The following CRACDL variants were observed in gnomAD, a reference collection of about 807,000 sequenced individuals.
The protein encoded by CRACDL is CRACD-like protein.
In CRACDL, 26 loss-of-function variants were observed where a neutral mutation model predicts 70.6. That is an observed-to-expected ratio of 0.37 (90% confidence interval 0.27 to 0.51). CRACDL has a LOEUF of 0.51. Among genes scored for constraint, CRACDL ranks in the 20% least tolerant of loss-of-function variants. The pLI is 0.94. For missense variants in CRACDL, 1,283 were observed against 1,376.9 expected (o/e 0.93, Z 1.08); for synonymous variants, 618 against 615.2 (o/e 1.00, Z -0.07).
Position 98,821,893 on chromosome 2 carries a change from TG to T in CRACDL, c.2379del (p.Arg794GlyfsTer60). ...CGCAGCGGCCTTTTCTCCGCCGTCC[TG>T]GGCTCCTTCCTGGGTTCCCGCTCTC... is the stretch of plus-strand genomic sequence containing the variant. Reference protein sequence around the residue: ...GPGEREPRKEPRTAEKRPLRR... With the variant: ...GPGEREPRKEXRTAEKRPLRR... On this transcript the variant is annotated frameshift_variant, in exon 7 of 10. Coordinates refer to ENST00000397899, the MANE Select transcript of CRACDL (RefSeq NM_207362.3). LOFTEE classifies it high-confidence loss of function. 1 of 1,605,130 alleles carries T rather than the reference TG, an allele frequency of 6.2e-7. No individual in the cohort carries two copies. The highest frequency in any genetic ancestry group is 1.7e-5 in the Admixed American group (1 of 57,932).
chr2:98,883,319 T>G (rs908058009), intron 1 of CRACDL, among the ~76,000 whole-genome samples: 1 of 152,166 alleles, frequency 6.6e-6, no homozygotes, highest in Non-Finnish European at 1.5e-5. Context: ...GGAGGTCTTG[T>G]TGGCATGGAG....
At chr2:98,804,784 T>G (rs2104417459) in intron 7 of CRACDL, among the ~76,000 whole-genome samples, 1 of 152,366 alleles carries the variant, frequency 6.6e-6, no homozygotes. Flanking sequence ...AAAGCATCTT[T>G]AAACAGAATT....
At chr2:98,831,863 G>A (rs1705556926) in intron 5 of CRACDL, among the ~76,000 whole-genome samples, 1 of 152,066 alleles carries the variant, frequency 6.6e-6, no homozygotes, top group South Asian at 2.1e-4. Flanking sequence ...CTGCTGCCCT[G>A]TTTGCCAGCA....
intron 7 of CRACDL, among the ~76,000 whole-genome samples, chr2:98,802,208 GC>G (rs1181887442): frequency 6.6e-6 from 1 of 152,272 alleles, no homozygotes; most frequent in Non-Finnish European, 1.5e-5. Context: ...GATCGGGGCT[GC>G]CCTGCTGGCG....
At chr2:98,904,824 TG>T (rs1362392808) in intron 1 of CRACDL, among the ~76,000 whole-genome samples, 1 of 152,192 alleles carries the variant, frequency 6.6e-6, no homozygotes, top group Non-Finnish European at 1.5e-5. Context: ...CCCAATCTCA[TG>T]TTGAAATGCG....
chr2:98,856,852 C>G (rs140881188), intron 1 of CRACDL, among the ~76,000 whole-genome samples: 1,934 of 152,266 alleles, frequency 0.013, 20 homozygotes, highest in Middle Eastern at 0.048. Context: ...CTTCTTGTCC[C>G]CTGACTATGA....
chr2:98,884,838 T>G (rs910571920), intron 1 of CRACDL, among the ~76,000 whole-genome samples: 1 of 152,220 alleles, frequency 6.6e-6, no homozygotes, highest in Non-Finnish European at 1.5e-5. Flanking sequence ...AGAAAGGCAC[T>G]GCTGTTGTTT....
chr2:98,872,724 G>A (rs1378464494), intron 1 of CRACDL, among the ~76,000 whole-genome samples: 1 of 152,234 alleles, frequency 6.6e-6, no homozygotes, highest in African/African-American at 2.4e-5. Flanking sequence ...AAGCTCCCAG[G>A]TGATGCTGAC....
At chr2:98,926,216 C>T (rs1708905224) in intron 1 of CRACDL, among the ~76,000 whole-genome samples, 1 of 152,116 alleles carries the variant, frequency 6.6e-6, no homozygotes, top group Non-Finnish European at 1.5e-5. Flanking sequence ...TAAGGTGACT[C>T]ATTTGGTACA....
chr2:98,893,736 C>T (rs571004147), intron 1 of CRACDL, among the ~76,000 whole-genome samples: 6 of 152,264 alleles, frequency 3.9e-5, no homozygotes, highest in South Asian at 2.1e-4. Context: ...TGTAATTAAG[C>T]GATAGTTAAA....
intron 7 of CRACDL, among the ~76,000 whole-genome samples, chr2:98,819,225 T>A (rs1489831196): frequency 2.6e-5 from 4 of 152,242 alleles, no homozygotes; most frequent in Non-Finnish European, 2.9e-5. Context: ...AACTTACATA[T>A]AAATAATGGG....
chr2:98,822,295 C>T lies in CRACDL; in HGVS notation c.1978G>A (p.Ala660Thr), dbSNP rs756392778. The T allele has an allele frequency of 3.2e-5, 49 of 1,531,680 alleles. No individual in the cohort carries two copies. The highest frequency in any genetic ancestry group is 1.0e-4 in the Admixed American group (5 of 49,702). The allele number at this position is 1,531,680 out of a possible 1,614,324, so 94.9% of individuals were successfully genotyped here. Residue 660 changes from alanine (A) to threonine (T), a missense_variant, in exon 7 of 10, where the codon GCG becomes ACG. Around this residue, in one of 2 missense-constraint regions of CRACDL, gnomAD observed 921 missense variants for 881.9 expected, o/e 1.04. Transcript: ENST00000397899. This position sits in a 1 kb window ranked among gnomAD's most constrained non-coding sequence, Gnocchi z 4.9. Reference sequence around the variant, plus strand: ...GGGCAGGGCTCTCTCGTGCCGGGCGCGGCGGCCGCCTCCTGAGGGCTCTTG... The same window carrying T: ...GGGCAGGGCTCTCTCGTGCCGGGCGTGGCGGCCGCCTCCTGAGGGCTCTTG... ...PRKSPQEAAA[A>T]PGTREPCPAA... is the part of the protein sequence containing the mutation.
Position 98,822,934 on chromosome 2 carries a change from G to A in CRACDL, c.1339C>T (p.Pro447Ser), listed in dbSNP as rs1371229205. 1.4e-6 allele frequency: 2 copies of A among 1,463,802 alleles called. No individual in the cohort carries two copies. The highest frequency in any genetic ancestry group is 5.2e-5 in the Admixed American group (2 of 38,582). 90.7% of individuals were successfully genotyped at this position (1,463,802 alleles called of 1,614,324 possible). Residue 447 changes from proline to serine, a missense_variant, in exon 7 of 10, where the codon CCG (proline) becomes TCG (serine). Transcript: ENST00000397899. This position sits in a 1 kb window ranked among gnomAD's most constrained non-coding sequence, Gnocchi z 4.9. ...KEAEPTPPVLPDEEKGPPGPA... is the reference protein window; with the variant it reads ...KEAEPTPPVLSDEEKGPPGPA... ...CCTGGGGGCCCCTTCTCCTCATCCG[G>A]GAGCACGGGCGGCGTCGGCTCCGCT...
In CRACDL at chr2:98,822,495, C is replaced by G; in HGVS notation, c.1778G>C (p.Arg593Pro). ...PRPGVSRPLE[R>P]ASGRLPLARS... ...CGCGAGGGGCAGGCGGCCGCTGGCC[C>G]GTTCCAGCGGGCGGGAGACGCCCGG... Residue 593 changes from arginine (R) to proline (P), a missense_variant, in exon 7 of 10, where the codon CGG (arginine) becomes CCG (proline). Coordinates refer to ENST00000397899, the MANE Select transcript of CRACDL (RefSeq NM_207362.3). This position sits in a 1 kb window ranked among gnomAD's most constrained non-coding sequence, Gnocchi z 4.9. 1 of 1,460,660 alleles carries G rather than the reference C, an allele frequency of 6.8e-7. No individual in the cohort carries two copies. Among genetic ancestry groups the G allele is most frequent in the Non-Finnish European group, 9.0e-7 (1 of 1,115,462 alleles). 90.5% of individuals were successfully genotyped at this position (1,460,660 alleles called of 1,614,324 possible). A position where few individuals can be genotyped will look rare whatever the true frequency, so the allele number is the denominator to read the frequency against.
chr2:98,868,064 T>C (rs1163242758), intron 1 of CRACDL, among the ~76,000 whole-genome samples: 1 of 152,216 alleles, frequency 6.6e-6, no homozygotes, highest in Non-Finnish European at 1.5e-5. Flanking sequence ...AATCAGGCAC[T>C]GAGGTTTCAT....
chr2:98,844,348 A>G (rs1043546517), intron 2 of CRACDL, among the ~76,000 whole-genome samples: 2 of 152,112 alleles, frequency 1.3e-5, no homozygotes, highest in African/African-American at 4.8e-5. Context: ...CAAACATAGT[A>G]TGCATAGTTG....
At chr2:98,818,832 G>A (rs1225098538) in intron 7 of CRACDL, among the ~76,000 whole-genome samples, 1 of 152,168 alleles carries the variant, frequency 6.6e-6, no homozygotes, top group East Asian at 1.9e-4. Flanking sequence ...GCCCCTCAAG[G>A]TCCAGGTAGG....
intron 1 of CRACDL, among the ~76,000 whole-genome samples, chr2:98,899,383 CAT>C (rs890415284): frequency 3.9e-4 from 60 of 152,364 alleles, no homozygotes; most frequent in African/African-American, 1.3e-3. Context: ...GGAGAGCAGA[CAT>C]AGACAGTTGA....
rs1418885660 is a variant in CRACDL, at chr2:98,885,376, G to C, written c.-10-38566C>G. On this transcript the variant is annotated intron_variant, in intron 1 of 9. Coordinates refer to ENST00000397899, the MANE Select transcript of CRACDL (RefSeq NM_207362.3). Reference sequence around the variant, plus strand: ...AAGGGGGAGGATGTTGGTGGGAAAAGCTACTGCATTTTTTTTCCAGTTTTG... The same window carrying C: ...AAGGGGGAGGATGTTGGTGGGAAAACCTACTGCATTTTTTTTCCAGTTTTG... 3.9e-5 allele frequency among the ~76,000 whole-genome samples: 6 copies of C among 152,300 alleles called. No individual in the cohort carries two copies. In the East Asian group the frequency reaches 1.2e-3, roughly 29 times the overall value.
Sources: allele counts gnomAD v4.1 joint callset (sites outside exome capture counted in the v4.1 genomes callset), GRCh38; gene constraint gnomAD v4.1.1; regional missense constraint gnomAD v4.1.1; non-coding constraint Gnocchi (gnomAD v3.1); transcripts MANE v1.5; gene names NCBI Gene and HGNC (gene_info 2026-07-23, HGNC 2026-07-21).